The following NCKAP5 variants were observed in gnomAD, a reference collection of about 807,000 sequenced individuals.
NCKAP5 encodes the protein NCK associated protein 5, also known as nck-associated protein 5.
A neutral mutation model predicts 167.0 loss-of-function variants in NCKAP5; 92 were observed. The observed-to-expected ratio is 0.55, with a 90% confidence interval of 0.47 to 0.66. The LOEUF (loss-of-function observed/expected upper bound fraction) is 0.66, where lower values mean the gene tolerates loss of function less well. Among genes scored for constraint, NCKAP5 ranks in the 30% least tolerant of loss-of-function variants. NCKAP5 has a pLI of 0.00. For synonymous variants in NCKAP5, 891 were observed against 877.4 expected (o/e 1.02, Z -0.27); for missense variants, 2,378 against 2,315.0 (o/e 1.03, Z -0.56).
At chr2:133,241,554 T>A (rs1422848984) in intron 4 of NCKAP5, among the ~76,000 whole-genome samples, 1 of 152,246 alleles carries the variant, frequency 6.6e-6, no homozygotes, top group Non-Finnish European at 1.5e-5. Flanking sequence ...TGGTTCCAAC[T>A]GAACTTCCCA....
chr2:133,478,349 G>A (rs1313433150), intron 3 of NCKAP5, among the ~76,000 whole-genome samples: 2 of 152,232 alleles, frequency 1.3e-5, no homozygotes, highest in East Asian at 3.9e-4. Context: ...CTTCTTAAGG[G>A]CAATGATCTT....
the NCKAP5 span, among the ~76,000 whole-genome samples, chr2:133,579,044 G>A: frequency 9.2e-5 from 14 of 152,290 alleles, no homozygotes; most frequent in African/African-American, 2.6e-4. Context: ...AACAGTAACC[G>A]TAATGGTCAT....
At chr2:133,320,251 T>A (rs1241033867) in intron 3 of NCKAP5, among the ~76,000 whole-genome samples, 6 of 152,208 alleles carry the variant, frequency 3.9e-5, no homozygotes, top group Admixed American at 6.5e-5. Flanking sequence ...TTGGAATATC[T>A]CTAAAGTCTA....
At chr2:132,700,322 A>AGTT (rs1204868846) in intron 19 of NCKAP5, among the ~76,000 whole-genome samples, 1 of 151,550 alleles carries the variant, frequency 6.6e-6, no homozygotes, top group African/African-American at 2.4e-5. Flanking sequence ...GAAGCTCTTT[A>AGTT]GTTTAATTAG....
At chr2:132,929,345 T>C (rs1198819982) in intron 8 of NCKAP5, among the ~76,000 whole-genome samples, 1 of 152,242 alleles carries the variant, frequency 6.6e-6, no homozygotes, top group Non-Finnish European at 1.5e-5. Context: ...GACTGTTTGA[T>C]GCAGAATATT....
At chr2:132,699,654 T>C (rs1199205644) in intron 19 of NCKAP5, among the ~76,000 whole-genome samples, 1 of 152,232 alleles carries the variant, frequency 6.6e-6, no homozygotes, top group Non-Finnish European at 1.5e-5. Flanking sequence ...ACAAAGGACA[T>C]GAACTCATCC....
chr2:133,514,541 T>C (rs1166343906), intron 3 of NCKAP5, among the ~76,000 whole-genome samples: 4 of 152,190 alleles, frequency 2.6e-5, no homozygotes, highest in Non-Finnish European at 2.9e-5. Flanking sequence ...ATGATTTGAT[T>C]ATATAAAATA....
rs972671117 is a variant in NCKAP5 at position 133,465,505 on chromosome 2, G to A, written c.69+51953C>T. Among the ~76,000 whole-genome samples, 11 of 152,116 alleles carry A rather than the reference G, an allele frequency of 7.2e-5. No homozygotes were observed. In the East Asian group the frequency reaches 1.4e-3, roughly 19 times the overall value. ...TGTCTTTATAGCAGCATGATTTATA[G>A]TCCTTTGGGTATATACCCAGTAATG... On this transcript the variant is annotated intron_variant, in intron 3 of 19. Transcript: ENST00000409261.
chr2:133,182,745 A>G (rs1346129474), intron 5 of NCKAP5, among the ~76,000 whole-genome samples: 1 of 152,174 alleles, frequency 6.6e-6, no homozygotes, highest in Non-Finnish European at 1.5e-5. Context: ...ATGTAGAAGA[A>G]AGGAATGAAT....
chr2:132,796,575 G>A, intron 12 of NCKAP5, 53 bp downstream of exon 12: 2 of 1,284,100 alleles, frequency 1.6e-6, no homozygotes, highest in Non-Finnish European at 2.2e-6. Context: ...CATATTTGAT[G>A]GAAGGAAAAT....
chr2:133,117,910 C>A (rs2082131988), intron 6 of NCKAP5: 1 of 152,204 alleles, frequency 6.6e-6, no homozygotes, highest in African/African-American at 2.4e-5. Context: ...CAGGCAGATT[C>A]CAAGCTGAGT....
At chr2:132,680,337 G>A (rs986940919) in intron 19 of NCKAP5, among the ~76,000 whole-genome samples, 9 of 152,156 alleles carry the variant, frequency 5.9e-5, no homozygotes, top group Non-Finnish European at 1.0e-4. Context: ...AGATTCTTCA[G>A]TATCCTCAGG....
chr2:132,891,266 C>T (rs1157679844), intron 8 of NCKAP5, among the ~76,000 whole-genome samples: 4 of 152,152 alleles, frequency 2.6e-5, no homozygotes, highest in Non-Finnish European at 4.4e-5. Flanking sequence ...GCCACCCTCA[C>T]ATTTGGATTC....
chr2:133,222,091 A>T (rs2086684896), intron 4 of NCKAP5, among the ~76,000 whole-genome samples: 1 of 152,218 alleles, frequency 6.6e-6, no homozygotes, highest in Non-Finnish European at 1.5e-5. Flanking sequence ...CCCATGAGGT[A>T]GGTATTATTA....
intron 5 of NCKAP5, among the ~76,000 whole-genome samples, chr2:133,193,827 A>G (rs1217579298): frequency 6.6e-6 from 1 of 152,118 alleles, no homozygotes; most frequent in East Asian, 1.9e-4. Flanking sequence ...CTTTTGATAT[A>G]GAAAGAAAAT....
At chr2:133,238,772 A>C (rs1374712107) in intron 4 of NCKAP5, among the ~76,000 whole-genome samples, 2 of 152,180 alleles carry the variant, frequency 1.3e-5, no homozygotes, top group African/African-American at 4.8e-5. Context: ...GGTTTGAAAA[A>C]ACATTTCAAG....
intron 16 of NCKAP5, among the ~76,000 whole-genome samples, chr2:132,737,843 G>C (rs1282650451): frequency 6.6e-6 from 1 of 152,180 alleles, no homozygotes; most frequent in Non-Finnish European, 1.5e-5. Context: ...AACTGGATTT[G>C]ATTCATCTCC....
intron 5 of NCKAP5, among the ~76,000 whole-genome samples, chr2:133,210,173 A>ATAATATAATATAATATAATATAAT (rs370404716): frequency 1.4e-5 from 2 of 145,070 alleles, no homozygotes; most frequent in Non-Finnish European, 3.0e-5. Context: ...CTCAAAAATA[A>ATAATATAATATAATATAATATAAT]ATAATATAAT....
chr2:132,944,068 C>T (rs940928162), intron 8 of NCKAP5, among the ~76,000 whole-genome samples: 2 of 152,162 alleles, frequency 1.3e-5, no homozygotes, highest in African/African-American at 4.8e-5. Context: ...GAAATGAGGT[C>T]ATTCAGGGAG....
Sources: allele counts gnomAD v4.1 joint callset (sites outside exome capture counted in the v4.1 genomes callset), GRCh38; gene constraint gnomAD v4.1.1; transcripts MANE v1.5; gene names NCBI Gene and HGNC (gene_info 2026-07-23, HGNC 2026-07-21).